ZC3H14: variants seen among roughly 807,000 people sequenced by gnomAD.
ZC3H14 encodes zinc finger CCCH-type containing 14, also known as zinc finger CCCH domain-containing protein 14.
A neutral mutation model predicts 92.4 loss-of-function variants in ZC3H14; 31 were observed. The observed-to-expected ratio is 0.34, with a 90% CI of 0.25 to 0.45. The LOEUF (loss-of-function observed/expected upper bound fraction) is 0.45. Ranked by LOEUF, ZC3H14 falls within the 20% of genes least tolerant of loss-of-function variation. The probability of loss-of-function intolerance (pLI) is 1.00; values close to 1 mark genes in which losing one functional copy is unlikely to be tolerated. For synonymous variants in ZC3H14, 321 were observed against 300.9 expected, an observed-to-expected ratio of 1.07 and a Z score of -0.69; for missense variants, 781 against 897.3, an observed-to-expected ratio of 0.87 and a Z score of 1.66.
intron 10 of ZC3H14, among the ~76,000 whole-genome samples, chr14:88,598,631 A>G (rs1050691187): frequency 1.3e-5 from 2 of 152,230 alleles, no homozygotes; most frequent in Non-Finnish European, 2.9e-5. Context: ...AAAAATTTTT[A>G]ACAGTGTACC....
chr14:88,600,183 G>T (rs1009679090), intron 10 of ZC3H14, among the ~76,000 whole-genome samples: 1 of 152,036 alleles, frequency 6.6e-6, no homozygotes, highest in Non-Finnish European at 1.5e-5. Flanking sequence ...TTTCTCTTCC[G>T]CCTGTCTCCC....
chr14:88,621,051 A>C lies in ZC3H14; in HGVS notation c.*9300A>C. ...GCAGTTCTTTAAGTACTAGCAATTT[A>C]GAACTTCCAACTTTTCTTTTTAGAA... On this transcript the variant is annotated 3_prime_UTR_variant, in exon 17 of 17. Transcript: ENST00000251038. 6.6e-7 allele frequency: 1 copy of C among 1,524,956 alleles called. No individual in the cohort carries two copies. Among genetic ancestry groups the C allele is most frequent in the Non-Finnish European group, 8.8e-7 (1 of 1,137,298 alleles). The allele number at this position is 1,524,956 out of a possible 1,614,324, so 94.5% of individuals were successfully genotyped here.
chr14:88,566,030 C>G (rs969600029), intron 2 of ZC3H14, among the ~76,000 whole-genome samples: 2 of 21,060 alleles, frequency 9.5e-5, no homozygotes, highest in Non-Finnish European at 5.1e-4. Flanking sequence ...ACCACCCCGC[C>G]CCCCCCCCCC....
At chr14:88,564,021 C>T (rs1230084439) in intron 2 of ZC3H14, among the ~76,000 whole-genome samples, 1 of 152,068 alleles carries the variant, frequency 6.6e-6, no homozygotes, top group Non-Finnish European at 1.5e-5. Context: ...CCAGGCTGGT[C>T]TTAACTCCTG....
intron 10 of ZC3H14, among the ~76,000 whole-genome samples, chr14:88,600,144 T>C (rs2084397085): frequency 2.0e-5 from 3 of 152,256 alleles, no homozygotes. Context: ...ACTTTGCTCT[T>C]TTTCTTTTGC....
At chr14:88,581,492 C>T (rs1457934510) in intron 9 of ZC3H14, among the ~76,000 whole-genome samples, 2 of 152,010 alleles carry the variant, frequency 1.3e-5, no homozygotes, top group Non-Finnish European at 2.9e-5. Context: ...ATCCGGGAGG[C>T]GGAGGTTGCA....
Position 88,572,997 on chromosome 14 carries a change from T to C in ZC3H14, c.851T>C (p.Met284Thr). 1 of 1,613,746 alleles carries C rather than the reference T, an allele frequency of 6.2e-7. No individual in the cohort carries two copies. The highest frequency in any genetic ancestry group is 8.5e-7 in the Non-Finnish European group (1 of 1,179,976). ...TTCTTTAGAAACAACTCGGAGAAAA[T>C]GAGTATGGAGGTTTGTATGTACTTT... ...SPFFRNNSEK[M>T]SMEDENFRKR... Residue 284 changes from methionine (M) to threonine (T), a missense_variant, in exon 6 of 17, where the codon ATG becomes ACG. Physicochemically the swap from Met to Thr is moderately conservative, Grantham distance 81. Coordinates refer to ENST00000251038, the MANE Select transcript of ZC3H14 (RefSeq NM_024824.5).
In ZC3H14 at chr14:88,617,801, A is replaced by G. The variant is rs550154691; in HGVS notation, c.*6050A>G. On this transcript the variant is annotated 3_prime_UTR_variant, in exon 17 of 17. Transcript: ENST00000251038. ...ATTTGATGGCATTTTTCATTGGCCA[A>G]AAAAATGGATAGTCATGGTTACCTG... The G allele has an allele frequency of 2.0e-5, 3 of 153,772 alleles. No homozygotes were observed. The highest frequency in any genetic ancestry group is 6.5e-5 in the Admixed American group (1 of 15,456). The allele number at this position is 153,772 out of a possible 1,614,324, so 9.5% of individuals were successfully genotyped here.
Position 88,609,814 on chromosome 14 carries a change from C to G in ZC3H14, c.2097+11C>G. On this transcript the variant is annotated intron_variant, in intron 15 of 16. Transcript: ENST00000251038. ...TTCTATCATCCAAAAGTAAGAACTTCTATTTTCTCAAATCAATTTAGTGAC... is the reference window on the plus strand; with the variant it reads ...TTCTATCATCCAAAAGTAAGAACTTGTATTTTCTCAAATCAATTTAGTGAC... 2 of 1,611,926 alleles carry G rather than the reference C, an allele frequency of 1.2e-6. No homozygotes were observed. The highest frequency in any genetic ancestry group is 1.7e-6 in the Non-Finnish European group (2 of 1,178,148).
At chr14:88,588,986 A>AT (rs1289801356) in intron 9 of ZC3H14, among the ~76,000 whole-genome samples, 1 of 152,164 alleles carries the variant, frequency 6.6e-6, no homozygotes, top group Non-Finnish European at 1.5e-5. Flanking sequence ...GAAGATCCTA[A>AT]TTAAAGGGAT....
intron 13 of ZC3H14, 86 bp from the exon 14 acceptor site, chr14:88,609,181 T>TGG: frequency 6.5e-7 from 1 of 1,533,316 alleles, no homozygotes; most frequent in Non-Finnish European, 9.0e-7. Flanking sequence ...CAAGTAGTGA[T>TGG]GGGGAGTGTA....
chr14:88,599,135 C>A (rs957956683), intron 10 of ZC3H14, among the ~76,000 whole-genome samples: 1 of 152,140 alleles, frequency 6.6e-6, no homozygotes, highest in African/African-American at 2.4e-5. Flanking sequence ...GAACTAACTG[C>A]TTCTTGGACA....
rs1313076666 is a variant in ZC3H14, at chr14:88,572,187, T to A, written c.393T>A (p.Val131=). Residue 131 remains valine (V), a synonymous_variant, in exon 5 of 17, where the codon GTT becomes GTA. Transcript: ENST00000251038. ...GACCTGAAAAAAGAGATTCCAGAGT[T>A]TCTACAAGTTCGCAGGAGTCAAAAA... ...SARPEKRDSR[V]STSSQESKTT... 2 of 1,613,972 alleles carry A rather than the reference T, an allele frequency of 1.2e-6. No homozygotes were observed. Among genetic ancestry groups the A allele is most frequent in the Non-Finnish European group, 8.5e-7 (1 of 1,180,030 alleles).
At chr14:88,563,795 G>A in intron 2 of ZC3H14, 102 bp downstream of exon 2, 2 of 1,121,936 alleles carry the variant, frequency 1.8e-6, no homozygotes, top group South Asian at 1.2e-5. Flanking sequence ...CATTGGGAGA[G>A]ACTCCCTTCT....
In ZC3H14 at chr14:88,625,489, C is replaced by T. The variant is rs550166658; in HGVS notation, c.*13738C>T. On this transcript the variant is annotated 3_prime_UTR_variant, in exon 17 of 17. Transcript: ENST00000251038. ...CGATCTCAGCTCACCACAACCTCTG[C>T]TTCCCAGGTTCAAGTGATTCTCCTG... 24 of 160,090 alleles carry T rather than the reference C, an allele frequency of 1.5e-4. No individual in the cohort carries two copies. In the East Asian group the frequency reaches 2.6e-3, roughly 17 times the overall value. The allele number at this position is 160,090 out of a possible 1,614,324, so 9.9% of individuals were successfully genotyped here.
At chr14:88,570,622 TACAA>T (rs1272464301) in intron 3 of ZC3H14, among the ~76,000 whole-genome samples, 1 of 152,196 alleles carries the variant, frequency 6.6e-6, no homozygotes, top group Admixed American at 6.5e-5. Flanking sequence ...CTTTAGTACT[TACAA>T]ACAGGGTGAC....
rs1183683534 is a variant in ZC3H14, at chr14:88,618,430, A to G, written c.*6679A>G. 1 of 1,155,464 alleles carries G rather than the reference A, an allele frequency of 8.7e-7. No individual in the cohort carries two copies. Among genetic ancestry groups the G allele is most frequent in the Non-Finnish European group, 1.3e-6 (1 of 795,460 alleles). The allele number at this position is 1,155,464 out of a possible 1,614,324, so 71.6% of individuals were successfully genotyped here. On this transcript the variant is annotated 3_prime_UTR_variant, in exon 17 of 17. Transcript: ENST00000251038. ...ACTAGCATATTGCTACTTGATTTACATGTCTAACATTATTAAGTATGCAAA... is the reference window on the plus strand; with the variant it reads ...ACTAGCATATTGCTACTTGATTTACGTGTCTAACATTATTAAGTATGCAAA...
chr14:88,578,669 T>C (rs999251004), intron 9 of ZC3H14, among the ~76,000 whole-genome samples: 2 of 152,018 alleles, frequency 1.3e-5, no homozygotes, highest in Admixed American at 6.6e-5. Context: ...CTTGAAATTT[T>C]AGTTACCTTT....
chr14:88,600,334 G>T (rs1036770140), intron 10 of ZC3H14, among the ~76,000 whole-genome samples: 7 of 152,168 alleles, frequency 4.6e-5, no homozygotes, highest in African/African-American at 1.2e-4. Context: ...CCTCTGTCCC[G>T]GGCAACAGCA....
Sources: allele counts gnomAD v4.1 joint callset (sites outside exome capture counted in the v4.1 genomes callset), GRCh38; gene constraint gnomAD v4.1.1; transcripts MANE v1.5; gene names NCBI Gene and HGNC (gene_info 2026-07-23, HGNC 2026-07-21).